LSS: variants seen among roughly 807,000 people sequenced by gnomAD.
LSS encodes the protein 2,3-epoxysqualene-lanosterol cyclase.
Under a neutral mutation model 110.3 loss-of-function variants are expected in LSS, and 90 were observed. That is an observed-to-expected ratio of 0.82 (90% CI 0.69 to 0.97). The LOEUF (loss-of-function observed/expected upper bound fraction) is 0.97, where lower values mean the gene tolerates loss of function less well. LSS is among the 50% of genes least tolerant of loss of function. LSS has a pLI of 0.00. For synonymous variants in LSS, 433 were observed against 400.0 expected (o/e 1.08, Z -0.98); for missense variants, 927 against 990.0 (o/e 0.94, Z 0.85).
chr21:46,206,662 G>T lies in LSS; in HGVS notation c.1564+10C>A. ...GGGTTTGCGCGCCGCAGTGCTGGCC[G>T]ACCACTCACCGAAGACCTCCGAGGG... On this transcript the variant is annotated intron_variant, in intron 16 of 21. Transcript: ENST00000397728. 1 of 1,609,538 alleles carries T rather than the reference G, an allele frequency of 6.2e-7. No individual in the cohort carries two copies.
At chr21:46,197,383 T>C (rs1029731108) in intron 17 of LSS, among the ~76,000 whole-genome samples, 1 of 152,116 alleles carries the variant, frequency 6.6e-6, no homozygotes, top group Non-Finnish European at 1.5e-5. Context: ...AATGTAAACT[T>C]TTCCCAGAAA....
At position 46,191,874 on chromosome 21, in the gene LSS, G is replaced by A. The variant is rs531683759; in HGVS notation, c.2067+7C>T. ...GGCCTTGTGCGCTCAGGTCCCTGGC[G>A]GCATACCTGCGGCCAGTCGCCATTG... On this transcript the variant is annotated splice_region_variant and intron_variant, in intron 21 of 21. Transcript: ENST00000397728. 1.2e-4 allele frequency: 189 copies of A among 1,611,532 alleles called. 1 individual carries two copies. In the South Asian group the frequency reaches 1.8e-3, roughly 16 times the overall value.
chr21:46,215,413 C>G (rs2080190114), intron 8 of LSS, 115 bp from the exon 9 acceptor site: 1 of 701,396 alleles, frequency 1.4e-6, no homozygotes, highest in Non-Finnish European at 2.4e-6. Context: ...CTCCCACCCA[C>G]CCCCAGGCCT....
In LSS at chr21:46,227,687, T is replaced by C; in HGVS notation, c.184A>G (p.Asn62Asp). 1 of 1,604,530 alleles carries C rather than the reference T, an allele frequency of 6.2e-7. No homozygotes were observed. The change falls in exon 3 of 22, where the codon AAT becomes GAT. Residue 62 changes from asparagine to aspartate, a missense_variant. Transcript: ENST00000397728. ...EAYALGLDTKNYFKDLPKAHT... is the reference protein window; with the variant it reads ...EAYALGLDTKDYFKDLPKAHT... Reference sequence around the variant, plus strand: ...GCTTTGGGCAAGTCCTTAAAGTAATTCTTCTGCAAAGAGATCGAAAAAAAA... The same window carrying C: ...GCTTTGGGCAAGTCCTTAAAGTAATCCTTCTGCAAAGAGATCGAAAAAAAA...
At position 46,213,020 on chromosome 21, in the gene LSS, C is replaced by T. The variant is rs1348202586; in HGVS notation, c.1137+5G>A. The T allele has an allele frequency of 1.2e-6, 2 of 1,613,888 alleles. No individual in the cohort carries two copies. The highest frequency in any genetic ancestry group is 2.7e-5 in the African/African-American group (2 of 74,926). ...AGCATGCAGCCGCAGTCCCGCAGCC[C>T]TTACCTGCATTTTCATGCCGTCAAG... On this transcript the variant is annotated splice_donor_5th_base_variant and intron_variant, in intron 11 of 21. Coordinates refer to ENST00000397728, the MANE Select transcript of LSS (RefSeq NM_002340.6).
Position 46,216,308 on chromosome 21 carries a change from G to A in LSS, c.783+81C>T, listed in dbSNP as rs2080205746. ...ACAGGGCCACCAGGTGAGTGGACAG[G>A]TGTGGTTAGATTCCAGAAGCCCCAG... On this transcript the variant is annotated intron_variant, in intron 7 of 21. Coordinates refer to ENST00000397728, the MANE Select transcript of LSS (RefSeq NM_002340.6). The surrounding 1 kb of genome is among the most constrained non-coding windows in gnomAD (Gnocchi z 4.2). The A allele has an allele frequency of 3.2e-6, 5 of 1,571,094 alleles. No homozygotes were observed. The Admixed American group carries it at 6.7e-5, about 21-fold the overall frequency.
intron 17 of LSS, among the ~76,000 whole-genome samples, chr21:46,202,405 A>T (rs1048002813): frequency 3.6e-5 from 5 of 139,802 alleles, no homozygotes; most frequent in Non-Finnish European, 5.9e-5. Flanking sequence ...AAAAAAAAAA[A>T]AATAAATAAA....
At position 46,189,583 on chromosome 21, in the gene LSS, G is replaced by A; in HGVS notation, c.*1521C>T. 2 of 444,024 alleles carry A rather than the reference G, an allele frequency of 4.5e-6. No homozygotes were observed. Among genetic ancestry groups the A allele is most frequent in the Non-Finnish European group, 9.0e-6 (2 of 221,364 alleles). 27.5% of individuals were successfully genotyped at this position (444,024 alleles called of 1,614,324 possible). On this transcript the variant is annotated 3_prime_UTR_variant, in exon 22 of 22. Transcript: ENST00000397728. Reference sequence around the variant, plus strand: ...ACCCCAGAGGGTGCGGCACCTGGGTGAGAGCCCTGGACTGCACACCAAGGC... The same window carrying A: ...ACCCCAGAGGGTGCGGCACCTGGGTAAGAGCCCTGGACTGCACACCAAGGC...
intron 20 of LSS, chr21:46,192,185 G>A (rs2079826076): frequency 1.7e-6 from 1 of 602,444 alleles, no homozygotes; most frequent in South Asian, 1.9e-5. Flanking sequence ...TGACAGGCTG[G>A]GGACACAGGC....
At chr21:46,219,757 G>A (rs1410854318) in intron 5 of LSS, among the ~76,000 whole-genome samples, 185 bp from the exon 6 acceptor site, 3 of 152,200 alleles carry the variant, frequency 2.0e-5, no homozygotes, top group Non-Finnish European at 2.9e-5. Flanking sequence ...GAACTTGCCT[G>A]GATACACGGC....
Position 46,196,068 on chromosome 21 carries a change from C to T in LSS, c.1736+134G>A, listed in dbSNP as rs540874156. The T allele has an allele frequency of 1.6e-5, 14 of 891,902 alleles. No individual in the cohort carries two copies. The African/African-American group carries it at 1.6e-4, about 10-fold the overall frequency. 55.2% of individuals were successfully genotyped at this position (891,902 alleles called of 1,614,324 possible). A position where few individuals can be genotyped will look rare whatever the true frequency, so the allele number is the denominator to read the frequency against. On this transcript the variant is annotated intron_variant, in intron 18 of 21. Coordinates refer to ENST00000397728, the MANE Select transcript of LSS (RefSeq NM_002340.6). ...AAGGAACGAGGTCCCCCAGAAGTCA[C>T]GGGCTGGCAGCTCACTTCCAGAAAC...
chr21:46,196,454 C>A (rs1001398001), intron 17 of LSS, 187 bp from the exon 18 acceptor site: 1 of 588,254 alleles, frequency 1.7e-6, no homozygotes. Context: ...GAGCGGGAAG[C>A]GGATTGGCAG....
rs1186786896 is a variant in LSS at position 46,228,503 on chromosome 21, G to A, written c.111C>T (p.Thr37=). The change falls in exon 2 of 22, where the codon ACC becomes ACT. Residue 37 remains threonine, a synonymous_variant. Coordinates refer to ENST00000397728, the MANE Select transcript of LSS (RefSeq NM_002340.6). ...LNCERGRQTW[T]YLQDERAGRE... ...GGCCGGCGCGCTCGTCCTGCAGGTA[G>A]GTCCACGTCTGCCGGCCCCTCTCGC... 1.3e-5 allele frequency: 21 copies of A among 1,602,416 alleles called. No individual in the cohort carries two copies. Among genetic ancestry groups the A allele is most frequent in the Non-Finnish European group, 1.8e-5 (21 of 1,179,406 alleles).
intron 3 of LSS, among the ~76,000 whole-genome samples, chr21:46,226,328 G>C (rs932724744): frequency 3.9e-5 from 6 of 152,164 alleles, no homozygotes; most frequent in Non-Finnish European, 8.8e-5. Context: ...TCAGGCTACA[G>C]AGGCAAAGTG....
intron 11 of LSS, among the ~76,000 whole-genome samples, chr21:46,212,369 G>A (rs538928495): frequency 5.4e-4 from 82 of 152,322 alleles, no homozygotes; most frequent in African/African-American, 1.8e-3. Flanking sequence ...ACCGCAGGGC[G>A]TAACCCTCCT....
At chr21:46,227,824 A>G in intron 2 of LSS, 134 bp from the exon 3 acceptor site, 1 of 1,012,362 alleles carries the variant, frequency 9.9e-7, no homozygotes, top group Non-Finnish European at 1.4e-6. Context: ...TGTTTCCATC[A>G]AAAGTCTGAA....
intron 16 of LSS, 28 bp downstream of exon 16, chr21:46,206,642 TGC>T: frequency 6.3e-7 from 1 of 1,585,958 alleles, no homozygotes; most frequent in Non-Finnish European, 8.6e-7. Flanking sequence ...GCCCCGGGTT[TGC>T]GCGCCGCAGT....
intron 15 of LSS, 36 bp downstream of exon 15, chr21:46,207,392 G>A (rs775471384): frequency 3.9e-5 from 63 of 1,606,842 alleles, no homozygotes; most frequent in East Asian, 2.2e-4. Context: ...TGCAGGACAC[G>A]AGGTATGGAC....
rs752825826 is a variant in LSS at position 46,191,904 on chromosome 21, G to A, written c.2044C>T (p.Leu682Phe). 5 of 1,613,522 alleles carry A rather than the reference G, an allele frequency of 3.1e-6. No homozygotes were observed. Among genetic ancestry groups the A allele is most frequent in the East Asian group, 2.2e-5 (1 of 44,886 alleles). Residue 682 changes from leucine to phenylalanine, a missense_variant, in exon 21 of 22, where the codon CTC becomes TTC. By Grantham distance (22) the Leu-to-Phe change is conservative (BLOSUM62 0). Coordinates refer to ENST00000397728, the MANE Select transcript of LSS (RefSeq NM_002340.6). ...RGVRCLLEKQ[L>F]PNGDWPQENI... ...ACCTGCGGCCAGTCGCCATTGGGGA[G>A]CTGTTTCTCAAGTAGACACCGGACT...
Sources: gnomAD v4.1 joint callset for allele counts (sites outside exome capture counted in the v4.1 genomes callset) on GRCh38, gnomAD v4.1.1 for gene constraint, Gnocchi (gnomAD v3.1) non-coding constraint, MANE v1.5 for transcripts, NCBI Gene and HGNC (gene_info 2026-07-23, HGNC 2026-07-21) for gene names.